SEC23A: variants seen among roughly 807,000 people sequenced by gnomAD.
The protein encoded by SEC23A is SEC23 homolog A, COPII component.
In SEC23A, 56 loss-of-function variants were observed where a neutral mutation model predicts 103.7. The ratio of observed to expected loss-of-function variants is 0.54; its 90% CI spans 0.44 to 0.67. SEC23A has a LOEUF of 0.67. Among genes scored for constraint, SEC23A ranks in the 30% least tolerant of loss-of-function variants. The probability of loss-of-function intolerance (pLI) is 0.00; values close to 1 mark genes in which losing one functional copy is unlikely to be tolerated. For synonymous variants in SEC23A, 281 were observed against 293.0 expected, an observed-to-expected ratio of 0.96 and a Z score of 0.42; for missense variants, 784 against 936.4, an observed-to-expected ratio of 0.84 and a Z score of 2.12.
At chr14:39,071,164 G>A (rs1394851344) in intron 9 of SEC23A, among the ~76,000 whole-genome samples, 1 of 152,216 alleles carries the variant, frequency 6.6e-6, no homozygotes, top group African/African-American at 2.4e-5. Flanking sequence ...AAAGCATGCA[G>A]GTGGGAAGGA....
At chr14:39,034,013 C>A (rs1885385280) in intron 19 of SEC23A, among the ~76,000 whole-genome samples, 1 of 152,144 alleles carries the variant, frequency 6.6e-6, no homozygotes, top group South Asian at 2.1e-4. Context: ...GTAATTTCAG[C>A]AAATTATTGG....
intron 16 of SEC23A, among the ~76,000 whole-genome samples, chr14:39,044,921 A>G (rs1306109882): frequency 6.6e-6 from 1 of 152,206 alleles, no homozygotes; most frequent in Non-Finnish European, 1.5e-5. Flanking sequence ...ATGATCTGAA[A>G]GTCTCTTCCA....
At chr14:39,078,108 C>T (rs1348462629) in intron 7 of SEC23A, among the ~76,000 whole-genome samples, 1 of 151,408 alleles carries the variant, frequency 6.6e-6, no homozygotes, top group African/African-American at 2.4e-5. Context: ...ATAACAAAAT[C>T]AGTTGGGCAT....
chr14:39,036,241 G>T (rs1885453874), intron 19 of SEC23A, among the ~76,000 whole-genome samples: 1 of 136,912 alleles, frequency 7.3e-6, no homozygotes, highest in Non-Finnish European at 1.5e-5. Flanking sequence ...AGAATCGCTT[G>T]AACCCAGGAG....
chr14:39,033,295 T>C lies in SEC23A; in HGVS notation c.2242A>G (p.Ser748Gly). Residue 748 changes from serine (S) to glycine (G), a missense_variant, in exon 20 of 20, where the codon AGT (serine) becomes GGT (glycine). By Grantham distance (56) the Ser-to-Gly change is moderately conservative. Coordinates refer to ENST00000307712, the MANE Select transcript of SEC23A (RefSeq NM_006364.4). Reference sequence around the variant, plus strand: ...AAGTGATCCATAAACACTTGTAAACTAACATCATCTGTAAGAATAGGTGCT... The same window carrying C: ...AAGTGATCCATAAACACTTGTAAACCAACATCATCTGTAAGAATAGGTGCT... ...SGAPILTDDV[S>G]LQVFMDHLKK... The C allele has an allele frequency of 6.2e-7, 1 of 1,612,924 alleles. No individual in the cohort carries two copies. Among genetic ancestry groups the C allele is most frequent in the Non-Finnish European group, 8.5e-7 (1 of 1,179,234 alleles).
intron 15 of SEC23A, among the ~76,000 whole-genome samples, chr14:39,048,142 A>G (rs1885909797): frequency 6.6e-6 from 1 of 152,182 alleles, no homozygotes; most frequent in South Asian, 2.1e-4. Context: ...ATTCACCACA[A>G]ATAAATGACT....
chr14:39,090,890 G>A (rs117198435), intron 5 of SEC23A: 13,950 of 265,050 alleles, frequency 0.053, 649 homozygotes, highest in South Asian at 0.12. Flanking sequence ...TTTCTGGCCT[G>A]ATTTGTTTGC....
At chr14:39,083,354 CCTGTCTCTCACCTAT>C (rs1887297326) in intron 7 of SEC23A, among the ~76,000 whole-genome samples, 1 of 151,960 alleles carries the variant, frequency 6.6e-6, no homozygotes, top group African/African-American at 2.4e-5. Context: ...CTCTCACCTA[CCTGTCTCTCACCTAT>C]CTGTGACCTG....
At chr14:39,072,225 CTG>C (rs1886864406) in intron 9 of SEC23A, among the ~76,000 whole-genome samples, 1 of 149,838 alleles carries the variant, frequency 6.7e-6, no homozygotes, top group South Asian at 2.1e-4. Context: ...AAGTGAGACT[CTG>C]TCTCAAAAAA....
At chr14:39,040,295 A>G (rs1357156626) in intron 18 of SEC23A, 1 of 177,334 alleles carries the variant, frequency 5.6e-6, no homozygotes, top group Non-Finnish European at 1.2e-5. Flanking sequence ...TTCCTATTAC[A>G]TAAAATTTTA....
At chr14:39,044,323 G>A (rs79155224) in intron 16 of SEC23A, among the ~76,000 whole-genome samples, 1 of 152,058 alleles carries the variant, frequency 6.6e-6, no homozygotes, top group East Asian at 1.9e-4. Context: ...AAACATTCCT[G>A]ATTCAAAGAA....
intron 13 of SEC23A, among the ~76,000 whole-genome samples, chr14:39,055,878 AAGT>A (rs1566489394): frequency 6.6e-6 from 1 of 152,234 alleles, no homozygotes; most frequent in African/African-American, 2.4e-5. Context: ...TAGCAACTTC[AAGT>A]AGTCTGTTTT....
chr14:39,075,987 G>T lies in SEC23A; in HGVS notation c.935C>A (p.Ser312Ter). 1 of 1,613,574 alleles carries T rather than the reference G, an allele frequency of 6.2e-7. No individual in the cohort carries two copies. The highest frequency in any genetic ancestry group is 8.5e-7 in the Non-Finnish European group (1 of 1,179,894). The change falls in exon 8 of 20, where the codon TCG becomes TAG. Residue 312 changes from serine (S) to a stop codon, truncating the protein, a stop_gained. Transcript: ENST00000307712. LOFTEE classifies it high-confidence loss of function. ...VGDELKTPIR[S>*]WHDIDKDNAK... Reference sequence around the variant, plus strand: ...ATTGTCTTTGTCAATGTCATGCCACGATCTTATAGGTGTCTTCAACTCATC... The same window carrying T: ...ATTGTCTTTGTCAATGTCATGCCACTATCTTATAGGTGTCTTCAACTCATC...
At chr14:39,040,544 T>C (rs998564180) in intron 18 of SEC23A, 188 bp downstream of exon 18, 1 of 667,674 alleles carries the variant, frequency 1.5e-6, no homozygotes, top group African/African-American at 1.8e-5. Flanking sequence ...TTTAGGCAAC[T>C]AGTCAATAAT....
chr14:39,049,256 T>A lies in SEC23A; in HGVS notation c.1660-527A>T, dbSNP rs8004597. ...ACTTTGGGAGGCCAAGGCGGGCGGA[T>A]CACAAGGTCAGGAGTTCGAGACCAG... On this transcript the variant is annotated intron_variant, in intron 14 of 19. Coordinates refer to ENST00000307712, the MANE Select transcript of SEC23A (RefSeq NM_006364.4). Among the ~76,000 whole-genome samples the A allele has an allele frequency of 7.4e-3, 1,127 of 151,518 alleles. 17 individuals carry two copies. Among genetic ancestry groups the A allele is most frequent in the African/African-American group, 0.026 (1,072 of 41,262 alleles).
intron 9 of SEC23A, among the ~76,000 whole-genome samples, chr14:39,070,513 C>T (rs903331663): frequency 5.9e-5 from 9 of 152,210 alleles, no homozygotes; most frequent in Non-Finnish European, 7.4e-5. Context: ...AAGGATTATA[C>T]GCCATGACCA....
intron 13 of SEC23A, among the ~76,000 whole-genome samples, chr14:39,059,299 A>AAAAAAAAAC (rs1886381315): frequency 1.3e-5 from 1 of 75,298 alleles, no homozygotes; most frequent in Non-Finnish European, 3.3e-5. Flanking sequence ...AAAAAAAAAA[A>AAAAAAAAAC]AAAAAAAAAA....
At chr14:39,048,526 G>A (rs568547310) in intron 15 of SEC23A, 126 bp downstream of exon 15, 35 of 664,170 alleles carry the variant, frequency 5.3e-5, no homozygotes, top group African/African-American at 3.6e-5. Context: ...ACTAAGCCCC[G>A]GAGTTCCAGG....
In SEC23A at chr14:39,033,075, G is replaced by A; in HGVS notation, c.*164C>T. ...TCTTATTGCTCTCATTATAATTCCA[G>A]CTTAATCTACAAATGTGAACATTTT... On this transcript the variant is annotated 3_prime_UTR_variant, in exon 20 of 20. Coordinates refer to ENST00000307712, the MANE Select transcript of SEC23A (RefSeq NM_006364.4). 1.6e-6 allele frequency: 1 copy of A among 629,390 alleles called. No individual in the cohort carries two copies. The highest frequency in any genetic ancestry group is 1.8e-5 in the African/African-American group (1 of 54,352). 39.0% of individuals were successfully genotyped at this position (629,390 alleles called of 1,614,324 possible). A position where few individuals can be genotyped will look rare whatever the true frequency, so the allele number is the denominator to read the frequency against.
Sources: gnomAD v4.1 joint callset for allele counts (sites outside exome capture counted in the v4.1 genomes callset) on GRCh38, gnomAD v4.1.1 for gene constraint, MANE v1.5 for transcripts, NCBI Gene and HGNC (gene_info 2026-07-23, HGNC 2026-07-21) for gene names.